The following PDE4D variants were observed in gnomAD, a reference collection of about 807,000 sequenced individuals.
The protein encoded by PDE4D is 3',5'-cyclic-AMP phosphodiesterase 4D.
Under a neutral mutation model 87.4 loss-of-function variants are expected in PDE4D, and 24 were observed. The ratio of observed to expected loss-of-function variants is 0.27; its 90% CI spans 0.20 to 0.39. PDE4D has a LOEUF of 0.39. Ranked by LOEUF, PDE4D falls within the 10% of genes least tolerant of loss-of-function variation. PDE4D has a pLI of 1.00. For missense variants in PDE4D, 714 were observed against 1,041.0 expected (o/e 0.69, Z 4.32); for synonymous variants, 384 against 383.2 (o/e 1.00, Z -0.02).
intron 1 of PDE4D, among the ~76,000 whole-genome samples, chr5:60,239,333 T>C (rs1463400539): frequency 6.6e-6 from 1 of 152,106 alleles, no homozygotes; most frequent in East Asian, 1.9e-4. Context: ...TTAATCACTA[T>C]ACTTTTACAG....
intron 1 of PDE4D, among the ~76,000 whole-genome samples, chr5:60,413,373 AT>A (rs1742201356): frequency 6.6e-6 from 1 of 152,146 alleles, no homozygotes; most frequent in Non-Finnish European, 1.5e-5. Context: ...TTGCATGCAT[AT>A]TGCTCTATGT....
chr5:59,149,227 T>C (rs565592046), intron 5 of PDE4D, among the ~76,000 whole-genome samples: 3 of 152,314 alleles, frequency 2.0e-5, no homozygotes, highest in African/African-American at 7.2e-5. Flanking sequence ...TACTCTGTAT[T>C]TGAGTCCAAA....
chr5:60,171,938 T>G (rs1783469385), intron 2 of PDE4D, among the ~76,000 whole-genome samples: 2 of 151,764 alleles, frequency 1.3e-5, no homozygotes, highest in South Asian at 4.2e-4. Flanking sequence ...TTTCCTCATA[T>G]TCTCTTATTT....
At chr5:59,405,353 A>G (rs552696056) in intron 1 of PDE4D, among the ~76,000 whole-genome samples, 1 of 152,306 alleles carries the variant, frequency 6.6e-6, no homozygotes, top group East Asian at 1.9e-4. Context: ...ATGGGATTAC[A>G]TTCTTGATTT....
chr5:59,164,466 T>C (rs548881629), intron 5 of PDE4D, among the ~76,000 whole-genome samples: 1 of 152,314 alleles, frequency 6.6e-6, no homozygotes, highest in East Asian at 1.9e-4. Context: ...TTCATTTAAT[T>C]CTTACTTAAT....
chr5:59,406,278 CA>C (rs1316617814), intron 1 of PDE4D, among the ~76,000 whole-genome samples: 3 of 151,608 alleles, frequency 2.0e-5, no homozygotes, highest in Admixed American at 1.3e-4. Context: ...AGGAATTTAT[CA>C]TTTTTTTAGG....
chr5:60,358,748 G>A (rs1321808843), intron 1 of PDE4D, among the ~76,000 whole-genome samples: 1 of 152,094 alleles, frequency 6.6e-6, no homozygotes, highest in Non-Finnish European at 1.5e-5. Flanking sequence ...TTTCATTCAA[G>A]TTCAGTGTTG....
intron 1 of PDE4D, among the ~76,000 whole-genome samples, chr5:60,452,431 G>A (rs1305811828): frequency 6.6e-6 from 1 of 151,978 alleles, no homozygotes; most frequent in Non-Finnish European, 1.5e-5. Context: ...TCCAGCAATA[G>A]CCCGCCACAT....
At chr5:59,270,478 A>G (rs2153540786) in intron 1 of PDE4D, among the ~76,000 whole-genome samples, 1 of 152,296 alleles carries the variant, frequency 6.6e-6, no homozygotes, top group East Asian at 1.9e-4. Flanking sequence ...TAGAATTGGA[A>G]AGATAATCTA....
chr5:60,306,051 G>A (rs748568562), intron 1 of PDE4D, among the ~76,000 whole-genome samples: 1 of 151,944 alleles, frequency 6.6e-6, no homozygotes, highest in Non-Finnish European at 1.5e-5. Context: ...ATCAAAAATT[G>A]TTCATATATT....
intron 1 of PDE4D, among the ~76,000 whole-genome samples, chr5:60,224,814 A>T (rs1482370379): frequency 6.6e-6 from 1 of 151,880 alleles, no homozygotes; most frequent in Non-Finnish European, 1.5e-5. Flanking sequence ...CTGTCCCTTC[A>T]TGGGAGGTAG....
intron 1 of PDE4D, among the ~76,000 whole-genome samples, chr5:60,216,420 T>G (rs1743855099): frequency 6.6e-6 from 1 of 152,122 alleles, no homozygotes; most frequent in Admixed American, 6.6e-5. Context: ...TTTGAGGAAA[T>G]TGCTTCCTTC....
upstream of PDE4D, chr5:59,893,907 G>T: frequency 1.1e-6 from 1 of 942,086 alleles, no homozygotes; most frequent in Non-Finnish European, 1.4e-6. Context: ...CGCGGTGCCC[G>T]GTTTCGCCAG....
chr5:60,064,918 C>A (rs146967341), intron 2 of PDE4D, among the ~76,000 whole-genome samples: 1 of 152,266 alleles, frequency 6.6e-6, no homozygotes, highest in East Asian at 1.9e-4. Flanking sequence ...TACACCTTAT[C>A]CATCACCCTA....
chr5:60,380,514 C>T (rs146808932), intron 1 of PDE4D, among the ~76,000 whole-genome samples: 26 of 152,286 alleles, frequency 1.7e-4, no homozygotes, highest in African/African-American at 5.3e-4. Context: ...CCCAATGTCC[C>T]GATCAGGGCT....
chr5:59,166,285 G>T (rs191896270), intron 5 of PDE4D: 14 of 152,216 alleles, frequency 9.2e-5, no homozygotes, highest in Non-Finnish European at 1.5e-4. Context: ...ATGACAAAAG[G>T]CCAGGTTAAT....
At chr5:60,415,477 G>A (rs894874896) in intron 1 of PDE4D, among the ~76,000 whole-genome samples, 2 of 152,226 alleles carry the variant, frequency 1.3e-5, no homozygotes, top group Non-Finnish European at 2.9e-5. Flanking sequence ...GGCGGGAACC[G>A]GGGCTGCGCG....
intron 2 of PDE4D, among the ~76,000 whole-genome samples, chr5:60,085,941 A>G (rs1025423146): frequency 6.6e-6 from 1 of 152,220 alleles, no homozygotes; most frequent in Non-Finnish European, 1.5e-5. Flanking sequence ...CAGATTGCCA[A>G]TATTAACACA....
intron 1 of PDE4D, among the ~76,000 whole-genome samples, chr5:59,401,180 C>T (rs1233243035): frequency 2.0e-5 from 3 of 152,158 alleles, no homozygotes; most frequent in Admixed American, 6.5e-5. Context: ...CATGGTAGCT[C>T]ACACCTGTAT....
Sources: gnomAD v4.1 joint callset for allele counts (sites outside exome capture counted in the v4.1 genomes callset) on GRCh38, gnomAD v4.1.1 for gene constraint, MANE v1.5 for transcripts, NCBI Gene and HGNC (gene_info 2026-07-23, HGNC 2026-07-21) for gene names.